Variants in GAP43 observed in about 807,000 individuals in gnomAD.
GAP43 encodes growth associated protein 43.
A neutral mutation model predicts 18.6 loss-of-function variants in GAP43; 6 were observed. That is an observed-to-expected ratio of 0.32 (90% CI 0.18 to 0.64). The LOEUF (loss-of-function observed/expected upper bound fraction) is 0.64, where lower values mean the gene tolerates loss of function less well. GAP43 is among the 30% of genes least tolerant of loss of function. The pLI, the probability that GAP43 is intolerant of heterozygous loss-of-function variation, is 0.78. For synonymous variants in GAP43, 115 were observed against 111.4 expected (o/e 1.03, Z -0.20); for missense variants, 292 against 295.5 (o/e 0.99, Z 0.09).
intron 2 of GAP43, among the ~76,000 whole-genome samples, chr3:115,713,531 GC>G (rs1203185502): frequency 6.6e-6 from 1 of 152,260 alleles, no homozygotes; most frequent in Admixed American, 6.5e-5. Context: ...CAACCAGGCT[GC>G]CTGGCTGAGC....
intron 2 of GAP43, among the ~76,000 whole-genome samples, chr3:115,713,257 G>GCAAA (rs1709463866): frequency 1.3e-5 from 2 of 152,316 alleles, no homozygotes; most frequent in Non-Finnish European, 2.9e-5. Flanking sequence ...AAGAGAGGAA[G>GCAAA]CAAACACCCA....
rs535643277 is a variant in GAP43, at chr3:115,636,547, A to G, written c.30+12828A>G. Among the ~76,000 whole-genome samples the G allele has an allele frequency of 6.1e-4, 93 of 152,226 alleles. 1 individual carries two copies. In the South Asian group the frequency reaches 0.012, roughly 20 times the overall value. On this transcript the variant is annotated intron_variant, in intron 1 of 2. Coordinates refer to ENST00000305124, the MANE Select transcript of GAP43 (RefSeq NM_002045.4). ...TACCATCCTTGGAAGAAGAGAAAAT[A>G]GTCACTCATTTTCATGTTCTGTGTT...
At chr3:115,633,915 T>G (rs1294256737) in intron 1 of GAP43, among the ~76,000 whole-genome samples, 2 of 152,226 alleles carry the variant, frequency 1.3e-5, no homozygotes, top group African/African-American at 4.8e-5. Flanking sequence ...ATGCTACTCC[T>G]TGACATTAGT....
chr3:115,631,951 A>G (rs1708265465), intron 1 of GAP43, among the ~76,000 whole-genome samples: 1 of 152,204 alleles, frequency 6.6e-6, no homozygotes, highest in Non-Finnish European at 1.5e-5. Context: ...ATGGATGGGA[A>G]CATAGTATCT....
At chr3:115,677,257 C>T (rs1708904295) in intron 2 of GAP43, among the ~76,000 whole-genome samples, 1 of 151,908 alleles carries the variant, frequency 6.6e-6, no homozygotes, top group South Asian at 2.1e-4. Flanking sequence ...GTCGATGTTG[C>T]CAAAAACAAA....
chr3:115,695,725 T>C (rs1167191238), intron 2 of GAP43, among the ~76,000 whole-genome samples: 1 of 151,956 alleles, frequency 6.6e-6, no homozygotes, highest in Non-Finnish European at 1.5e-5. Flanking sequence ...CACATCTACC[T>C]CCTACCCACT....
In GAP43 at chr3:115,623,728, A is replaced by G; in HGVS notation, c.30+9A>G. The G allele has an allele frequency of 6.2e-7, 1 of 1,614,150 alleles. No individual in the cohort carries two copies. The highest frequency in any genetic ancestry group is 8.5e-7 in the Non-Finnish European group (1 of 1,179,956). On this transcript the variant is annotated intron_variant, in intron 1 of 2. Coordinates refer to ENST00000305124, the MANE Select transcript of GAP43 (RefSeq NM_002045.4). ...TGAGAAGAACCAAACAGGTAGAGCT[A>G]AAGATTTTTTACTTCTTGCTGTTGT...
At chr3:115,678,678 T>C (rs1183899904) in intron 2 of GAP43, among the ~76,000 whole-genome samples, 1 of 152,142 alleles carries the variant, frequency 6.6e-6, no homozygotes, top group Non-Finnish European at 1.5e-5. Flanking sequence ...CAAACAGCAC[T>C]CTTCTCTGCC....
intron 2 of GAP43, among the ~76,000 whole-genome samples, chr3:115,718,656 T>C (rs1354016042): frequency 1.3e-5 from 2 of 152,182 alleles, no homozygotes; most frequent in African/African-American, 4.8e-5. Context: ...TAGTGAGTTA[T>C]GAACCCTATA....
intron 2 of GAP43, among the ~76,000 whole-genome samples, chr3:115,702,479 A>G (rs1709308552): frequency 6.6e-6 from 1 of 152,158 alleles, no homozygotes; most frequent in Non-Finnish European, 1.5e-5. Flanking sequence ...TAAATCCAGA[A>G]TATACTGCTC....
intron 1 of GAP43, among the ~76,000 whole-genome samples, chr3:115,666,815 C>T (rs929385081): frequency 1.3e-5 from 2 of 152,174 alleles, no homozygotes; most frequent in African/African-American, 4.8e-5. Flanking sequence ...CTTTGTCATT[C>T]AGAAGCTGGA....
At chr3:115,634,349 A>G (rs986087781) in intron 1 of GAP43, among the ~76,000 whole-genome samples, 3 of 152,142 alleles carry the variant, frequency 2.0e-5, no homozygotes, top group South Asian at 2.1e-4. Flanking sequence ...TGCTTGGAAT[A>G]TAAGCTGAGA....
chr3:115,695,915 A>G lies in GAP43; in HGVS notation c.628+19305A>G, dbSNP rs1424572674. ...TGATTGCTCGTCCAGGATGTTGCCT[A>G]TTCTGATTATTTTTGCCAACCTACT... is the stretch of plus-strand genomic sequence containing the variant. On this transcript the variant is annotated intron_variant, in intron 2 of 2. Transcript: ENST00000305124. Among the ~76,000 whole-genome samples the G allele has an allele frequency of 2.0e-5, 3 of 152,234 alleles. No individual in the cohort carries two copies. The East Asian group carries it at 5.8e-4, about 29-fold the overall frequency.
At chr3:115,697,310 T>G (rs1036464129) in intron 2 of GAP43, among the ~76,000 whole-genome samples, 2 of 152,204 alleles carry the variant, frequency 1.3e-5, no homozygotes, top group African/African-American at 4.8e-5. Flanking sequence ...TAAATATCAA[T>G]TCATTCAATG....
intron 1 of GAP43, among the ~76,000 whole-genome samples, chr3:115,654,777 G>C (rs1166641535): frequency 6.6e-6 from 1 of 152,208 alleles, no homozygotes; most frequent in Non-Finnish European, 1.5e-5. Flanking sequence ...GCAAAGAACA[G>C]ATGTGTAAAT....
At position 115,709,864 on chromosome 3, in the gene GAP43, T is replaced by C. The variant is rs200688414; in HGVS notation, c.629-10930T>C. On this transcript the variant is annotated intron_variant, in intron 2 of 2. Transcript: ENST00000305124. ...ACATACATATATATATATATATATATACACACACATGAGCAATTGATTTTA... is the reference window on the plus strand; with the variant it reads ...ACATACATATATATATATATATATACACACACACATGAGCAATTGATTTTA... 4.4e-3 allele frequency among the ~76,000 whole-genome samples: 583 copies of C among 131,062 alleles called. 4 individuals are homozygous for C. The highest frequency in any genetic ancestry group is 4.9e-3 in the Non-Finnish European group (290 of 58,794). 86.0% of individuals were successfully genotyped at this position (131,062 alleles called of 152,430 possible).
intron 1 of GAP43, among the ~76,000 whole-genome samples, chr3:115,635,179 G>A (rs943509478): frequency 2.6e-5 from 4 of 152,034 alleles, no homozygotes; most frequent in African/African-American, 9.7e-5. Flanking sequence ...TAATAAAAGA[G>A]AAGGAAATTG....
At position 115,682,355 on chromosome 3, in the gene GAP43, C is replaced by G. The variant is rs544713642; in HGVS notation, c.628+5745C>G. 2.0e-5 allele frequency among the ~76,000 whole-genome samples: 3 copies of G among 152,276 alleles called. 1 individual carries two copies. The highest frequency in any genetic ancestry group is 2.0e-4 in the Admixed American group (3 of 15,302). The stretch of plus-strand genomic sequence containing the variant: ...GAAATGGAAATTTTCATATCTCAAT[C>G]AGATGAAAGTCATTTTATTTATTGT... On this transcript the variant is annotated intron_variant, in intron 2 of 2. Coordinates refer to ENST00000305124, the MANE Select transcript of GAP43 (RefSeq NM_002045.4).
chr3:115,645,401 C>T (rs1374009519), intron 1 of GAP43, among the ~76,000 whole-genome samples: 1 of 151,970 alleles, frequency 6.6e-6, no homozygotes, highest in Non-Finnish European at 1.5e-5. Context: ...TTCTTTACCC[C>T]TCATTATTCA....
Sources: allele counts gnomAD v4.1 joint callset (sites outside exome capture counted in the v4.1 genomes callset), GRCh38; gene constraint gnomAD v4.1.1; transcripts MANE v1.5; gene names NCBI Gene and HGNC (gene_info 2026-07-23, HGNC 2026-07-21).